The following PDCD1LG2 variants were observed in gnomAD, a reference collection of about 807,000 sequenced individuals.
PDCD1LG2 encodes the protein programmed cell death 1 ligand 2, also known as B7 dendritic cell molecule.
Under a neutral mutation model 28.2 loss-of-function variants are expected in PDCD1LG2, and 32 were observed. The observed-to-expected ratio is 1.13, with a 90% confidence interval of 0.86 to 1.52. The LOEUF is 1.52. PDCD1LG2 is among the 40% of genes most tolerant of loss of function. The pLI is 0.00. For missense variants in PDCD1LG2, 385 were observed against 323.8 expected (o/e 1.19, Z -1.45); for synonymous variants, 116 against 120.2 (o/e 0.97, Z 0.23).
intron 4 of PDCD1LG2, among the ~76,000 whole-genome samples, chr9:5,550,229 C>A (rs1816303025): frequency 6.6e-6 from 1 of 152,158 alleles, no homozygotes; most frequent in African/African-American, 2.4e-5. Context: ...CAAAATTCTT[C>A]AGAGCCTTTA....
intron 1 of PDCD1LG2, among the ~76,000 whole-genome samples, chr9:5,519,843 A>G (rs1215254096): frequency 1.3e-5 from 2 of 152,150 alleles, no homozygotes; most frequent in African/African-American, 2.4e-5. Flanking sequence ...TCAAGCCCCA[A>G]ACTTAGGAAT....
chr9:5,563,149 T>G lies in PDCD1LG2; in HGVS notation c.767-13T>G. 1 of 1,601,554 alleles carries G rather than the reference T, an allele frequency of 6.2e-7. No homozygotes were observed. Among genetic ancestry groups the G allele is most frequent in the Non-Finnish European group, 8.6e-7 (1 of 1,169,070 alleles). On this transcript the variant is annotated splice_polypyrimidine_tract_variant and intron_variant, in intron 5 of 6. Coordinates refer to ENST00000397747, the MANE Select transcript of PDCD1LG2 (RefSeq NM_025239.4). ...ATTAATCTTATTCCATTTCTGGAAT[T>G]TTTCCTTTTCAGACACAACAAAAAG...
intron 1 of PDCD1LG2, among the ~76,000 whole-genome samples, chr9:5,512,742 A>G (rs1291557266): frequency 1.3e-5 from 2 of 152,158 alleles, no homozygotes; most frequent in Non-Finnish European, 2.9e-5. Flanking sequence ...TGCCTTGCCC[A>G]GACTAAAACC....
At chr9:5,532,180 A>T (rs1340611811) in intron 2 of PDCD1LG2, among the ~76,000 whole-genome samples, 2 of 152,226 alleles carry the variant, frequency 1.3e-5, no homozygotes, top group Non-Finnish European at 2.9e-5. Context: ...AAGTGCAGAT[A>T]TGATTAGCAT....
At chr9:5,558,460 T>C (rs950390280) in intron 5 of PDCD1LG2, among the ~76,000 whole-genome samples, 4 of 152,186 alleles carry the variant, frequency 2.6e-5, no homozygotes, top group Admixed American at 2.0e-4. Context: ...ACCCCCAGAA[T>C]GTATGCAGGC....
rs143440781 is a variant in PDCD1LG2 at position 5,566,438 on chromosome 9, G to A, written c.816+3227G>A. On this transcript the variant is annotated intron_variant, in intron 6 of 6. Transcript: ENST00000397747. ...GTAGTTAAGTGTGGTCATGTAACTC[G>A]CTTTGGTCAATTAAATGTAAGCATA... Among the ~76,000 whole-genome samples the A allele has an allele frequency of 1.1e-3, 164 of 152,248 alleles. 1 individual carries two copies. Among genetic ancestry groups the A allele is most frequent in the African/African-American group, 3.8e-3 (156 of 41,550 alleles).
chr9:5,546,679 G>T (rs1440983653), intron 3 of PDCD1LG2, among the ~76,000 whole-genome samples: 2 of 152,140 alleles, frequency 1.3e-5, no homozygotes, highest in African/African-American at 4.8e-5. Context: ...ATTACACAGA[G>T]ACACATCCTC....
chr9:5,564,165 G>T (rs1394092379), intron 6 of PDCD1LG2, among the ~76,000 whole-genome samples: 3 of 152,156 alleles, frequency 2.0e-5, no homozygotes, highest in Admixed American at 2.0e-4. Flanking sequence ...CTACTATTTG[G>T]TCATTGGAGT....
chr9:5,570,005 A>G lies in PDCD1LG2; in HGVS notation c.*46A>G. 6.2e-7 allele frequency: 1 copy of G among 1,613,358 alleles called. No individual in the cohort carries two copies. Among genetic ancestry groups the G allele is most frequent in the Non-Finnish European group, 8.5e-7 (1 of 1,179,330 alleles). ...GGGTGACCTGATATGACATCTAAAG[A>G]AGCTTCTGGACTCTGAACAAGAATT... is the stretch of plus-strand genomic sequence containing the variant. On this transcript the variant is annotated 3_prime_UTR_variant, in exon 7 of 7. Coordinates refer to ENST00000397747, the MANE Select transcript of PDCD1LG2 (RefSeq NM_025239.4).
chr9:5,554,821 A>G (rs1816405317), intron 4 of PDCD1LG2, among the ~76,000 whole-genome samples: 1 of 152,236 alleles, frequency 6.6e-6, no homozygotes, highest in African/African-American at 2.4e-5. Flanking sequence ...GATGTCAGAC[A>G]GGCTTAAATT....
chr9:5,546,906 G>C (rs910534452), intron 3 of PDCD1LG2, among the ~76,000 whole-genome samples: 7 of 152,152 alleles, frequency 4.6e-5, no homozygotes, highest in African/African-American at 1.7e-4. Context: ...GAGAGCCAAA[G>C]TGCACGCAGG....
intron 4 of PDCD1LG2, among the ~76,000 whole-genome samples, chr9:5,553,212 A>G (rs1432384022): frequency 1.3e-5 from 2 of 152,212 alleles, no homozygotes; most frequent in African/African-American, 4.8e-5. Flanking sequence ...CAGGTAAAAA[A>G]ATGAATTAGG....
At chr9:5,531,383 T>G (rs1426933736) in intron 2 of PDCD1LG2, among the ~76,000 whole-genome samples, 1 of 152,222 alleles carries the variant, frequency 6.6e-6, no homozygotes, top group Non-Finnish European at 1.5e-5. Flanking sequence ...CTTAGAAACT[T>G]TACTTGGGGC....
intron 4 of PDCD1LG2, among the ~76,000 whole-genome samples, chr9:5,553,727 T>C (rs1586815963): frequency 6.6e-6 from 1 of 151,986 alleles, no homozygotes; most frequent in Admixed American, 6.6e-5. Flanking sequence ...ACCTGTGGGG[T>C]CTTCATCAGA....
At chr9:5,553,369 T>A (rs1485447311) in intron 4 of PDCD1LG2, among the ~76,000 whole-genome samples, 49 of 152,292 alleles carry the variant, frequency 3.2e-4, no homozygotes, top group Non-Finnish European at 2.9e-5. Flanking sequence ...CCACGAGAAC[T>A]TTTTTCCCCT....
At chr9:5,517,582 A>T (rs6476986) in intron 1 of PDCD1LG2, among the ~76,000 whole-genome samples, 1 of 152,204 alleles carries the variant, frequency 6.6e-6, no homozygotes, top group African/African-American at 2.4e-5. Flanking sequence ...AGGTTTTAAG[A>T]AAATATGGTT....
intron 5 of PDCD1LG2, among the ~76,000 whole-genome samples, chr9:5,559,495 T>G (rs56001683): frequency 0.15 from 23,435 of 152,138 alleles, 2,332 homozygotes; most frequent in African/African-American, 0.28. Context: ...GCTGGGACCT[T>G]GTGCTGCCAT....
chr9:5,523,108 G>A (rs1820308245), intron 2 of PDCD1LG2, among the ~76,000 whole-genome samples: 1 of 152,158 alleles, frequency 6.6e-6, no homozygotes, highest in African/African-American at 2.4e-5. Flanking sequence ...ACCTTAATGT[G>A]GTTTACTGAG....
chr9:5,542,541 A>G (rs959577043), intron 3 of PDCD1LG2, among the ~76,000 whole-genome samples: 13 of 152,218 alleles, frequency 8.5e-5, no homozygotes, highest in African/African-American at 2.9e-4. Context: ...TGAATAGACA[A>G]TTCTCACAAG....
Sources: gnomAD v4.1 joint callset for allele counts (sites outside exome capture counted in the v4.1 genomes callset) on GRCh38, gnomAD v4.1.1 for gene constraint, MANE v1.5 for transcripts, NCBI Gene and HGNC (gene_info 2026-07-23, HGNC 2026-07-21) for gene names.